The following MYH10 variants were observed in gnomAD, a reference collection of about 807,000 sequenced individuals.
MYH10 encodes the protein myosin heavy chain 10.
Under a neutral mutation model 257.8 loss-of-function variants are expected in MYH10, and 55 were observed. The ratio of observed to expected loss-of-function variants is 0.21; its 90% CI spans 0.17 to 0.27. The LOEUF (loss-of-function observed/expected upper bound fraction) is 0.27, where lower values mean the gene tolerates loss of function less well. Ranked by LOEUF, MYH10 falls within the 10% of genes least tolerant of loss-of-function variation. The pLI is 1.00. For missense variants in MYH10, 1,631 were observed against 2,500.6 expected (o/e 0.65, Z 7.42); for synonymous variants, 854 against 921.7 (o/e 0.93, Z 1.33).
At chr17:8,498,729 T>C (rs1917066328) in intron 30 of MYH10, among the ~76,000 whole-genome samples, 1 of 151,962 alleles carries the variant, frequency 6.6e-6, no homozygotes, top group Non-Finnish European at 1.5e-5. Flanking sequence ...GTGCCTGTAG[T>C]CCCAGCTACT....
chr17:8,573,277 C>A (rs1416678316), intron 6 of MYH10, among the ~76,000 whole-genome samples: 5 of 152,214 alleles, frequency 3.3e-5, no homozygotes, highest in Non-Finnish European at 7.3e-5. Context: ...AGGCTGAGAT[C>A]CGGCTGTACC....
At chr17:8,557,986 C>T (rs189985176) in intron 7 of MYH10, among the ~76,000 whole-genome samples, 27 of 152,272 alleles carry the variant, frequency 1.8e-4, no homozygotes, top group Admixed American at 1.3e-3. Context: ...CTGGAGACCA[C>T]AAGGCAAATC....
rs529596071 is a variant in MYH10, at chr17:8,490,260, C to T, written c.4884+80G>A. On this transcript the variant is annotated intron_variant, in intron 35 of 42. Transcript: ENST00000360416. The surrounding 1 kb of genome is among the most constrained non-coding windows in gnomAD (Gnocchi z 4.1). Reference sequence around the variant, plus strand: ...GTGTTTACTCAGATGTGTTCTAACACGAATGAACAGGATACTGACCCAGAG... The same window carrying T: ...GTGTTTACTCAGATGTGTTCTAACATGAATGAACAGGATACTGACCCAGAG... The T allele has an allele frequency of 7.2e-5, 90 of 1,244,738 alleles. No individual in the cohort carries two copies. The highest frequency in any genetic ancestry group is 6.0e-4 in the Middle Eastern group (3 of 4,994). 77.1% of individuals were successfully genotyped at this position (1,244,738 alleles called of 1,614,324 possible).
intron 21 of MYH10, 55 bp from the exon 22 acceptor site, chr17:8,513,949 G>C (rs2081379838): frequency 2.1e-6 from 3 of 1,446,986 alleles, no homozygotes; most frequent in Admixed American, 1.9e-5. Flanking sequence ...TTGAATGGCT[G>C]TTGTCATAAG....
chr17:8,606,585 G>A (rs2084819381), intron 2 of MYH10, among the ~76,000 whole-genome samples: 1 of 152,172 alleles, frequency 6.6e-6, no homozygotes, highest in Non-Finnish European at 1.5e-5. Flanking sequence ...AGACTACTCT[G>A]TTTACTAATG....
chr17:8,562,891 T>G (rs116283791), intron 7 of MYH10, among the ~76,000 whole-genome samples: 1,947 of 152,318 alleles, frequency 0.013, 35 homozygotes, highest in African/African-American at 0.045. Flanking sequence ...CTTAATTAGT[T>G]TCAAAAATTT....
chr17:8,475,853 T>A lies in MYH10; in HGVS notation c.5975A>T (p.Glu1992Val). 6.2e-7 allele frequency: 1 copy of A among 1,614,244 alleles called. No homozygotes were observed. Among genetic ancestry groups the A allele is most frequent in the Non-Finnish European group, 8.5e-7 (1 of 1,180,044 alleles). The change falls in exon 43 of 43, where the codon GAA becomes GTA. Residue 1992 changes from glutamate (E) to valine (V), a missense_variant. Coordinates refer to ENST00000360416, the MANE Select transcript of MYH10 (RefSeq NM_001256012.3). ...CTCGTTGACATCACTGGTCTTACTTTCTGTGTCATCGTCGGAGAGCTCCAG... is the reference window on the plus strand; with the variant it reads ...CTCGTTGACATCACTGGTCTTACTTACTGTGTCATCGTCGGAGAGCTCCAG... Reference protein sequence around the residue: ...ASLELSDDDTESKTSDVNETQ... With the variant: ...ASLELSDDDTVSKTSDVNETQ...
rs866165881 is a variant in MYH10, at chr17:8,553,986, A to G, written c.789T>C (p.Thr263=). 1 of 1,613,394 alleles carries G rather than the reference A, an allele frequency of 6.2e-7. No individual in the cohort carries two copies. Among genetic ancestry groups the G allele is most frequent in the Non-Finnish European group, 8.5e-7 (1 of 1,179,650 alleles). Residue 263 remains threonine (T), a synonymous_variant, in exon 8 of 43, where the codon ACT becomes ACC. Coordinates refer to ENST00000360416, the MANE Select transcript of MYH10 (RefSeq NM_001256012.3). ...GKFIRINFDV[T]GYIVGANIET... is the part of the protein sequence containing the mutation. ...CAATGTTGGCCCCAACGATATAGCC[A>G]GTTACATCAAAGTTGATCCGAATAA...
intron 7 of MYH10, among the ~76,000 whole-genome samples, chr17:8,557,194 C>A (rs978518060): frequency 2.6e-5 from 4 of 152,116 alleles, no homozygotes; most frequent in African/African-American, 7.2e-5. Context: ...AATTACACCT[C>A]AATAGTTGAT....
At chr17:8,476,766 TG>T in intron 42 of MYH10, 109 bp downstream of exon 42, 1 of 1,172,160 alleles carries the variant, frequency 8.5e-7, no homozygotes, top group Non-Finnish European at 1.2e-6. Context: ...GGAGAAAGAA[TG>T]GGTCACTGGG....
In MYH10 at chr17:8,480,483, G is replaced by A. The variant is rs1014119460; in HGVS notation, c.5307C>T (p.Ile1769=). Residue 1769 remains isoleucine (I), a synonymous_variant, in exon 39 of 43, where the codon ATC becomes ATT. Transcript: ENST00000360416. ...CTTCCAGCTCCTCCTCCAGCTGTGC[G>A]ATCCGAGCTTCCAGACGCCGCTTCT... is the stretch of plus-strand genomic sequence containing the variant. The part of the protein sequence containing the change: ...LDEKRRLEAR[I]AQLEEELEEE... The A allele has an allele frequency of 3.7e-6, 6 of 1,611,712 alleles. No homozygotes were observed. The highest frequency in any genetic ancestry group is 1.1e-5 in the South Asian group (1 of 91,066).
At position 8,577,307 on chromosome 17, in the gene MYH10, T is replaced by C. The variant is rs772012440; in HGVS notation, c.562A>G (p.Thr188Ala). ...GESGAGKTEN[T>A]KKVIQYLAHV... ...GCAAGGTACTGAATAACTTTCTTTGTATTTTCTGTCTTCCCAGCACCTGAC... is the reference window on the plus strand; with the variant it reads ...GCAAGGTACTGAATAACTTTCTTTGCATTTTCTGTCTTCCCAGCACCTGAC... The change falls in exon 5 of 43, where the codon ACA (threonine) becomes GCA (alanine). Residue 188 changes from threonine (T) to alanine (A), a missense_variant. Transcript: ENST00000360416. 2 of 1,611,314 alleles carry C rather than the reference T, an allele frequency of 1.2e-6. No homozygotes were observed. Among genetic ancestry groups the C allele is most frequent in the Admixed American group, 3.3e-5 (2 of 60,024 alleles).
At chr17:8,514,583 T>G (rs1381456663) in intron 21 of MYH10, among the ~76,000 whole-genome samples, 1 of 151,972 alleles carries the variant, frequency 6.6e-6, no homozygotes, top group Admixed American at 6.6e-5. Flanking sequence ...ACTCTACTAT[T>G]TTTCAATTTC....
At position 8,605,000 on chromosome 17, in the gene MYH10, T is replaced by C; in HGVS notation, c.346-18A>G. ...GAATAAGTCTAGAATAAAAATAAAA[T>C]AGAGTATTAAAAAAAAAACCTCTGC... On this transcript the variant is annotated intron_variant, in intron 2 of 42. Transcript: ENST00000360416. 7.4e-7 allele frequency: 1 copy of C among 1,355,428 alleles called. No individual in the cohort carries two copies. The highest frequency in any genetic ancestry group is 9.9e-7 in the Non-Finnish European group (1 of 1,005,712). The allele number at this position is 1,355,428 out of a possible 1,614,324, so 84.0% of individuals were successfully genotyped here. A position where few individuals can be genotyped will look rare whatever the true frequency, so the allele number is the denominator to read the frequency against.
intron 13 of MYH10, among the ~76,000 whole-genome samples, chr17:8,543,512 T>C (rs2082357397): frequency 6.7e-6 from 1 of 149,832 alleles, no homozygotes; most frequent in Non-Finnish European, 1.5e-5. Context: ...TCTCGTTCTC[T>C]TGCCCAGGCT....
intron 42 of MYH10, 84 bp downstream of exon 42, chr17:8,476,792 A>AACTT (rs1189154227): frequency 6.9e-7 from 1 of 1,443,428 alleles, no homozygotes; most frequent in Non-Finnish European, 9.3e-7. Flanking sequence ...GATCTAAGTA[A>AACTT]ACTTCCTCTG....
chr17:8,611,847 G>A (rs1687642005), intron 2 of MYH10, among the ~76,000 whole-genome samples: 1 of 152,164 alleles, frequency 6.6e-6, no homozygotes, highest in African/African-American at 2.4e-5. Flanking sequence ...TATCTGAAGA[G>A]ATAATGGCTA....
At chr17:8,577,111 G>T in intron 5 of MYH10, 125 bp downstream of exon 5, 1 of 631,834 alleles carries the variant, frequency 1.6e-6, no homozygotes, top group Non-Finnish European at 2.7e-6. Flanking sequence ...TAGGTGGCGG[G>T]GAGCAGGTGG....
At chr17:8,602,611 T>C (rs1388695906) in intron 3 of MYH10, among the ~76,000 whole-genome samples, 1 of 152,140 alleles carries the variant, frequency 6.6e-6, no homozygotes. Context: ...TTGTTTAGAG[T>C]GGGTTGTTTT....
Sources: allele counts gnomAD v4.1 joint callset (sites outside exome capture counted in the v4.1 genomes callset), GRCh38; gene constraint gnomAD v4.1.1; non-coding constraint Gnocchi (gnomAD v3.1); transcripts MANE v1.5; gene names NCBI Gene and HGNC (gene_info 2026-07-23, HGNC 2026-07-21).